ARHGAP15: variants seen among roughly 807,000 people sequenced by gnomAD.
The protein encoded by ARHGAP15 is Rho GTPase activating protein 15, also known as rho GTPase-activating protein 15.
In ARHGAP15, 51 loss-of-function variants were observed where a neutral mutation model predicts 63.7. That is an observed-to-expected ratio of 0.80 (90% CI 0.64 to 1.01). ARHGAP15 has a LOEUF of 1.01. ARHGAP15 is among the 50% of genes least tolerant of loss of function. The pLI is 0.00. For synonymous variants in ARHGAP15, 191 were observed against 193.8 expected (o/e 0.99, Z 0.12); for missense variants, 560 against 564.6 (o/e 0.99, Z 0.08).
At chr2:143,342,114 T>G (rs1685084129) in intron 6 of ARHGAP15, among the ~76,000 whole-genome samples, 1 of 152,126 alleles carries the variant, frequency 6.6e-6, no homozygotes, top group Non-Finnish European at 1.5e-5. Context: ...AAATGTCTAT[T>G]GAGCAGAATT....
At chr2:143,720,496 C>T (rs910984380) in intron 13 of ARHGAP15, among the ~76,000 whole-genome samples, 5 of 152,064 alleles carry the variant, frequency 3.3e-5, no homozygotes, top group Admixed American at 1.3e-4. Flanking sequence ...CAACTAATTG[C>T]TAGAAAAAAA....
chr2:143,479,714 G>C (rs774050797), intron 8 of ARHGAP15, among the ~76,000 whole-genome samples: 1 of 151,646 alleles, frequency 6.6e-6, no homozygotes. Context: ...ATGTCTAAAT[G>C]ATCTGAATCT....
intron 8 of ARHGAP15, among the ~76,000 whole-genome samples, chr2:143,473,200 T>C (rs764322209): frequency 1.3e-5 from 2 of 152,322 alleles, no homozygotes; most frequent in Non-Finnish European, 2.9e-5. Context: ...GCCATTGACT[T>C]GCAATGGAGC....
chr2:143,637,211 G>A (rs1235318662), intron 12 of ARHGAP15, among the ~76,000 whole-genome samples: 1 of 152,004 alleles, frequency 6.6e-6, no homozygotes, highest in East Asian at 1.9e-4. Flanking sequence ...TACTTCAGTG[G>A]ACCGTTTTAT....
chr2:143,728,932 C>A (rs1306045905), intron 13 of ARHGAP15, among the ~76,000 whole-genome samples: 2 of 152,152 alleles, frequency 1.3e-5, no homozygotes, highest in Non-Finnish European at 2.9e-5. Context: ...TGTGGAATCC[C>A]AGCAGTCTAC....
At chr2:143,235,134 C>T (rs1454302035) in intron 5 of ARHGAP15, among the ~76,000 whole-genome samples, 3 of 151,702 alleles carry the variant, frequency 2.0e-5, no homozygotes, top group Admixed American at 6.6e-5. Context: ...ACAGCTTGCT[C>T]GTTAGGGCTA....
At chr2:143,500,388 A>G (rs910710714) in intron 9 of ARHGAP15, among the ~76,000 whole-genome samples, 1 of 152,066 alleles carries the variant, frequency 6.6e-6, no homozygotes, top group Non-Finnish European at 1.5e-5. Flanking sequence ...TCACATATTC[A>G]TTTTAAAAAA....
chr2:143,274,270 A>T (rs550292578), intron 6 of ARHGAP15, among the ~76,000 whole-genome samples: 23 of 152,336 alleles, frequency 1.5e-4, no homozygotes, highest in African/African-American at 5.5e-4. Flanking sequence ...TCAGAATTTT[A>T]GGAGTACAAA....
intron 10 of ARHGAP15, 54 bp downstream of exon 10, chr2:143,519,418 C>T: frequency 7.0e-7 from 1 of 1,438,128 alleles, no homozygotes; most frequent in East Asian, 2.3e-5. Context: ...TCTACACAAC[C>T]AATACTCAAG....
intron 11 of ARHGAP15, among the ~76,000 whole-genome samples, chr2:143,572,375 C>G (rs566626422): frequency 6.6e-6 from 1 of 152,252 alleles, no homozygotes; most frequent in African/African-American, 2.4e-5. Context: ...TCTCCATAGT[C>G]ATACTCTATG....
At chr2:143,512,847 G>T (rs867884994) in intron 9 of ARHGAP15, among the ~76,000 whole-genome samples, 2 of 152,206 alleles carry the variant, frequency 1.3e-5, no homozygotes, top group African/African-American at 4.8e-5. Flanking sequence ...TCCTGTGTCC[G>T]CTCATCTGCG....
At chr2:143,549,926 T>G (rs187104990) in intron 10 of ARHGAP15, among the ~76,000 whole-genome samples, 3 of 151,910 alleles carry the variant, frequency 2.0e-5, no homozygotes, top group African/African-American at 7.3e-5. Flanking sequence ...AGGGAGAGAG[T>G]TGGACACATA....
intron 11 of ARHGAP15, among the ~76,000 whole-genome samples, chr2:143,601,199 A>C (rs527872705): frequency 9.9e-5 from 15 of 152,242 alleles, no homozygotes; most frequent in African/African-American, 3.4e-4. Context: ...ATTTCTCTTC[A>C]TACTTTTTTT....
intron 12 of ARHGAP15, among the ~76,000 whole-genome samples, chr2:143,643,577 A>G (rs143472850): frequency 1.3e-5 from 2 of 152,196 alleles, no homozygotes; most frequent in East Asian, 3.9e-4. Context: ...TATAGAGTCT[A>G]GGAATCTCTT....
intron 6 of ARHGAP15, among the ~76,000 whole-genome samples, chr2:143,370,113 C>CT (rs1292208366): frequency 6.6e-6 from 1 of 152,050 alleles, no homozygotes; most frequent in African/African-American, 2.4e-5. Flanking sequence ...TAATAAAAAA[C>CT]TGAACTGTAA....
intron 4 of ARHGAP15, among the ~76,000 whole-genome samples, chr2:143,225,014 C>A (rs73962377): frequency 0.024 from 3,643 of 152,274 alleles, 158 homozygotes; most frequent in African/African-American, 0.083. Context: ...AGAAATTATT[C>A]TTTGGCCATT....
At chr2:143,439,545 A>G (rs1284174334) in intron 8 of ARHGAP15, among the ~76,000 whole-genome samples, 1 of 147,340 alleles carries the variant, frequency 6.8e-6, no homozygotes, top group Non-Finnish European at 1.5e-5. Context: ...AAAAAAAACT[A>G]GAAAATATGA....
intron 13 of ARHGAP15, 112 bp from the exon 14 acceptor site, chr2:143,767,877 G>C (rs915168012): frequency 2.0e-6 from 2 of 978,808 alleles, no homozygotes; most frequent in Non-Finnish European, 3.0e-6. Flanking sequence ...ATTAAATAAT[G>C]TTATAATGCA....
At chr2:143,402,780 C>T (rs1030144694) in intron 6 of ARHGAP15, among the ~76,000 whole-genome samples, 3 of 151,870 alleles carry the variant, frequency 2.0e-5, no homozygotes, top group Non-Finnish European at 2.9e-5. Context: ...AAACACTGCA[C>T]AGAGATTCCT....
Sources: allele counts gnomAD v4.1 joint callset (sites outside exome capture counted in the v4.1 genomes callset), GRCh38; gene constraint gnomAD v4.1.1; transcripts MANE v1.5; gene names NCBI Gene and HGNC (gene_info 2026-07-23, HGNC 2026-07-21).